The following CEACAM3 variants were observed in gnomAD, a reference collection of about 807,000 sequenced individuals.
CEACAM3 encodes the protein CEA cell adhesion molecule 3, also known as cell adhesion molecule CEACAM3.
In CEACAM3, 32 loss-of-function variants were observed where a neutral mutation model predicts 30.1. The ratio of observed to expected loss-of-function variants is 1.06; its 90% CI spans 0.80 to 1.43. The LOEUF (loss-of-function observed/expected upper bound fraction) is 1.43, where lower values mean the gene tolerates loss of function less well. Ranked by LOEUF, CEACAM3 falls within the 40% of genes most tolerant of loss-of-function variation. CEACAM3 has a pLI of 0.00. For missense variants in CEACAM3, 290 were observed against 316.3 expected (o/e 0.92, Z 0.63); for synonymous variants, 134 against 127.2 (o/e 1.05, Z -0.36).
rs1555825257 is a variant in CEACAM3, at chr19:41,796,722, G to T, written c.45G>T (p.Trp15Cys). 6.2e-7 allele frequency: 1 copy of T among 1,613,676 alleles called. No individual in the cohort carries two copies. The highest frequency in any genetic ancestry group is 8.5e-7 in the Non-Finnish European group (1 of 1,179,732). The change falls in exon 1 of 7, where the codon TGG (tryptophan) becomes TGT (cysteine). Residue 15 changes from tryptophan to cysteine, a missense_variant. Coordinates refer to ENST00000357396, the MANE Select transcript of CEACAM3 (RefSeq NM_001815.5). ...CTCCCCACAGAGAATGCATCCCCTGGCAGGGGCTTCTGCTCACAGGTGAGT... is the reference window on the plus strand; with the variant it reads ...CTCCCCACAGAGAATGCATCCCCTGTCAGGGGCTTCTGCTCACAGGTGAGT... ...SASPHRECIP[W>C]QGLLLTASLL...
At chr19:41,806,191 C>T (rs1286185882) in intron 2 of CEACAM3, among the ~76,000 whole-genome samples, 1 of 152,120 alleles carries the variant, frequency 6.6e-6, no homozygotes, top group Non-Finnish European at 1.5e-5. Context: ...CCACACCCAG[C>T]TAATTTTTGT....
chr19:41,808,830 C>T lies in CEACAM3; in HGVS notation c.442C>T (p.Leu148Phe), dbSNP rs1555827170. The T allele has an allele frequency of 1.2e-6, 2 of 1,612,728 alleles. No individual in the cohort carries two copies. The highest frequency in any genetic ancestry group is 3.3e-5 in the Admixed American group (2 of 59,874). The change falls in exon 3 of 7, where the codon CTT becomes TTT. Residue 148 changes from leucine (L) to phenylalanine (F), a missense_variant. Physicochemically the swap from Leu to Phe is conservative, Grantham distance 22. Transcript: ENST00000357396. ...FHVYQENAPG[L>F]PVGAVAGIVT... ...TTCTGCAGAAGAAAATGCCCCAGGC[C>T]TTCCTGTGGGGGCCGTCGCCGGCAT... is the stretch of plus-strand genomic sequence containing the variant.
chr19:41,797,480 A>C lies in CEACAM3; in HGVS notation c.65-109A>C, dbSNP rs56060480. On this transcript the variant is annotated intron_variant, in intron 1 of 6. Transcript: ENST00000357396. Reference sequence around the variant, plus strand: ...CTGACCTTGACCAAGTGGGACACACATACACTCTCCAAGGCTGAAGGGTGA... The same window carrying C: ...CTGACCTTGACCAAGTGGGACACACCTACACTCTCCAAGGCTGAAGGGTGA... 1.1e-3 allele frequency: 1,542 copies of C among 1,411,722 alleles called. 15 individuals are homozygous for C. The African/African-American group carries it at 0.02, about 18-fold the overall frequency. The allele number at this position is 1,411,722 out of a possible 1,614,324, so 87.4% of individuals were successfully genotyped here.
At chr19:41,804,765 A>G (rs2123008175) in intron 2 of CEACAM3, among the ~76,000 whole-genome samples, 1 of 152,224 alleles carries the variant, frequency 6.6e-6, no homozygotes, top group South Asian at 2.1e-4. Flanking sequence ...ACAGCAACCA[A>G]TTGACCTCAG....
chr19:41,803,717 T>TCCA (rs2073174919), intron 2 of CEACAM3, among the ~76,000 whole-genome samples: 1 of 105,842 alleles, frequency 9.4e-6, no homozygotes, highest in African/African-American at 2.8e-5. Flanking sequence ...CTGCCCGCCT[T>TCCA]GGCCTCCAAA....
chr19:41,809,035 C>A, intron 3 of CEACAM3, 105 bp downstream of exon 3: 1 of 798,916 alleles, frequency 1.3e-6, no homozygotes. Context: ...CACGGCCTCC[C>A]AAGTCCCCAG....
rs374252282 is a variant in CEACAM3, at chr19:41,796,704, C to T, written c.27C>T (p.His9=). MGPPSASP[H]RECIPWQGLL... ...TGGGGCCCCCCTCAGCCTCTCCCCACAGAGAATGCATCCCCTGGCAGGGGC... is the reference window on the plus strand; with the variant it reads ...TGGGGCCCCCCTCAGCCTCTCCCCATAGAGAATGCATCCCCTGGCAGGGGC... The change falls in exon 1 of 7, where the codon CAC becomes CAT. Residue 9 remains histidine (H), a synonymous_variant. Coordinates refer to ENST00000357396, the MANE Select transcript of CEACAM3 (RefSeq NM_001815.5). 1.2e-6 allele frequency: 2 copies of T among 1,613,990 alleles called. No homozygotes were observed. Among genetic ancestry groups the T allele is most frequent in the African/African-American group, 1.3e-5 (1 of 75,064 alleles).
At position 41,810,346 on chromosome 19, in the gene CEACAM3, G is replaced by C; in HGVS notation, c.619G>C (p.Ala207Pro). The change falls in exon 5 of 7, where the codon GCC becomes CCC. Residue 207 changes from alanine (A) to proline (P), a missense_variant. Coordinates refer to ENST00000357396, the MANE Select transcript of CEACAM3 (RefSeq NM_001815.5). ...APGRGPSHSS[A>P]FSMSPLSTAQ... ...AGGCCGTGGTCCCTCCCACAGCTCTGCCTTCTCGGTAAGCCTGTCCCCTTC... is the reference window on the plus strand; with the variant it reads ...AGGCCGTGGTCCCTCCCACAGCTCTCCCTTCTCGGTAAGCCTGTCCCCTTC... 6.2e-7 allele frequency: 1 copy of C among 1,603,998 alleles called. No homozygotes were observed.
intron 2 of CEACAM3, among the ~76,000 whole-genome samples, chr19:41,805,862 C>T (rs1387414867): frequency 1.3e-5 from 2 of 152,220 alleles, no homozygotes; most frequent in African/African-American, 2.4e-5. Flanking sequence ...TTAAGTTCCA[C>T]GGAGTCCTCA....
intron 2 of CEACAM3, chr19:41,807,330 GT>G: frequency 1.2e-6 from 2 of 1,607,572 alleles, no homozygotes; most frequent in East Asian, 4.5e-5. Flanking sequence ...CCCTATGAGT[GT>G]GAAATACCGA....
chr19:41,807,938 C>G (rs112872120), intron 2 of CEACAM3, among the ~76,000 whole-genome samples: 1 of 152,330 alleles, frequency 6.6e-6, no homozygotes, highest in East Asian at 1.9e-4. Flanking sequence ...TCCCCAACAT[C>G]GCAGTGGATA....
rs782437332 is a variant in CEACAM3 at position 41,797,572 on chromosome 19, T to C, written c.65-17T>C. 6.2e-7 allele frequency: 1 copy of C among 1,605,146 alleles called. No individual in the cohort carries two copies. The highest frequency in any genetic ancestry group is 1.7e-5 in the Admixed American group (1 of 59,382). Reference sequence around the variant, plus strand: ...ATACATGGGTCCCAATATTGACTGATGCTTTCTCCCTCCTAGCCTCACTTC... The same window carrying C: ...ATACATGGGTCCCAATATTGACTGACGCTTTCTCCCTCCTAGCCTCACTTC... On this transcript the variant is annotated splice_polypyrimidine_tract_variant and intron_variant, in intron 1 of 6. Coordinates refer to ENST00000357396, the MANE Select transcript of CEACAM3 (RefSeq NM_001815.5).
chr19:41,798,137 A>G, intron 2 of CEACAM3, 189 bp downstream of exon 2: 2 of 993,942 alleles, frequency 2.0e-6, no homozygotes, highest in Admixed American at 5.2e-5. Flanking sequence ...CTGCATCCAG[A>G]CCCTGCAGAC....
At chr19:41,801,314 A>T (rs1380760591) in intron 2 of CEACAM3, among the ~76,000 whole-genome samples, 5 of 152,192 alleles carry the variant, frequency 3.3e-5, no homozygotes, top group Non-Finnish European at 7.3e-5. Flanking sequence ...ATCATGAGCC[A>T]GTGTCCCCAG....
chr19:41,811,132 G>A (rs1234068884), intron 6 of CEACAM3, 40 bp from the exon 7 acceptor site: 1 of 1,603,594 alleles, frequency 6.2e-7, no homozygotes, highest in Non-Finnish European at 8.5e-7. Context: ...CCTGTTCTGA[G>A]GAGACTAGAG....
At chr19:41,810,463 A>C in intron 5 of CEACAM3, 109 bp downstream of exon 5, 5 of 1,235,600 alleles carry the variant, frequency 4.0e-6, no homozygotes, top group Non-Finnish European at 5.8e-6. Context: ...TTCCCCCAAA[A>C]CACACAGGAC....
chr19:41,808,788 C>G, intron 2 of CEACAM3, 25 bp from the exon 3 acceptor site: 2 of 1,590,606 alleles, frequency 1.3e-6, no homozygotes, highest in Non-Finnish European at 1.7e-6. Flanking sequence ...GGGCCTCTAT[C>G]CCCTTTGCCT....
At chr19:41,802,248 C>T (rs917722508) in intron 2 of CEACAM3, among the ~76,000 whole-genome samples, 1 of 152,212 alleles carries the variant, frequency 6.6e-6, no homozygotes, top group African/African-American at 2.4e-5. Context: ...ATGGGGCTCC[C>T]ATCCTCCAGT....
At chr19:41,806,499 G>A (rs1555826790) in intron 2 of CEACAM3, among the ~76,000 whole-genome samples, 3 of 152,302 alleles carry the variant, frequency 2.0e-5, no homozygotes, top group African/African-American at 7.2e-5. Context: ...AGAGGTGCCA[G>A]GGGATGTGAC....
Sources: gnomAD v4.1 joint callset for allele counts (sites outside exome capture counted in the v4.1 genomes callset) on GRCh38, gnomAD v4.1.1 for gene constraint, MANE v1.5 for transcripts, NCBI Gene and HGNC (gene_info 2026-07-23, HGNC 2026-07-21) for gene names.